Variants in KLHL18 observed in about 807,000 individuals in gnomAD.
KLHL18 encodes the protein kelch-like protein 18.
Under a neutral mutation model 58.5 loss-of-function variants are expected in KLHL18, and 38 were observed. That is an observed-to-expected ratio of 0.65 (90% CI 0.50 to 0.85). The LOEUF is 0.85. KLHL18 is among the 40% of genes least tolerant of loss of function. The pLI is 0.00. For missense variants in KLHL18, 624 were observed against 778.4 expected (o/e 0.80, Z 2.36); for synonymous variants, 303 against 301.9 (o/e 1.00, Z -0.04).
intron 9 of KLHL18, 81 bp downstream of exon 9, chr3:47,342,911 C>A: frequency 9.1e-7 from 1 of 1,104,702 alleles, no homozygotes; most frequent in Non-Finnish European, 1.4e-6. Context: ...TTTGAAAAAA[C>A]TTCAGCCTTG....
chr3:47,301,008 G>A lies in KLHL18; in HGVS notation c.129+17914G>A, dbSNP rs867525481. Among the ~76,000 whole-genome samples, 11 of 151,882 alleles carry A rather than the reference G, an allele frequency of 7.2e-5. 1 individual carries two copies. Among genetic ancestry groups the A allele is most frequent in the Middle Eastern group, 6.3e-3 (2 of 316 alleles). On this transcript the variant is annotated intron_variant, in intron 1 of 9. Transcript: ENST00000232766. ...TGGACATCTTCTTATGTGTTTATTT[G>A]CCATCTGTATATCCTTTTTAATGAA...
At chr3:47,320,035 ATTTT>A (rs546913284) in intron 2 of KLHL18, among the ~76,000 whole-genome samples, 2 of 139,568 alleles carry the variant, frequency 1.4e-5, no homozygotes, top group South Asian at 2.3e-4. Context: ...AGACTCCATG[ATTTT>A]TTTTTTTTTT....
chr3:47,314,819 G>T (rs1349047714), intron 1 of KLHL18, among the ~76,000 whole-genome samples: 1 of 152,056 alleles, frequency 6.6e-6, no homozygotes, highest in Non-Finnish European at 1.5e-5. Context: ...GCCCATCTTG[G>T]TCTTCCTCAT....
chr3:47,299,517 C>G (rs927005834), intron 1 of KLHL18, among the ~76,000 whole-genome samples: 2 of 151,854 alleles, frequency 1.3e-5, no homozygotes, highest in Non-Finnish European at 2.9e-5. Context: ...CCTGAAGAAG[C>G]AGTTCTTCCT....
At chr3:47,314,529 C>T (rs374862790) in intron 1 of KLHL18, among the ~76,000 whole-genome samples, 2 of 150,968 alleles carry the variant, frequency 1.3e-5, no homozygotes, top group South Asian at 2.1e-4. Context: ...AACGGAGTCT[C>T]GCTATATTGC....
At chr3:47,290,322 C>T (rs940930505) in intron 1 of KLHL18, among the ~76,000 whole-genome samples, 2 of 152,200 alleles carry the variant, frequency 1.3e-5, no homozygotes, top group Non-Finnish European at 2.9e-5. Flanking sequence ...GTCTTTTAGA[C>T]ATATGAATTC....
In KLHL18 at chr3:47,334,643, G is replaced by A; in HGVS notation, c.762-40G>A. 6.2e-7 allele frequency: 1 copy of A among 1,610,648 alleles called. No homozygotes were observed. The highest frequency in any genetic ancestry group is 8.5e-7 in the Non-Finnish European group (1 of 1,177,326). On this transcript the variant is annotated intron_variant, in intron 5 of 9. Transcript: ENST00000232766. This position sits in a 1 kb window ranked among gnomAD's most constrained non-coding sequence, Gnocchi z 4.7. Reference sequence around the variant, plus strand: ...GAGATGCAAACGAGGACTAAGTCAGGGGGATACCTCCTGTTCTAGCATCTT... The same window carrying A: ...GAGATGCAAACGAGGACTAAGTCAGAGGGATACCTCCTGTTCTAGCATCTT...
At position 47,333,209 on chromosome 3, in the gene KLHL18, C is replaced by A. The variant is rs138465345; in HGVS notation, c.653C>A (p.Pro218His). Residue 218 changes from proline to histidine, a missense_variant, in exon 5 of 10, where the codon CCC (proline) becomes CAC (histidine). Transcript: ENST00000232766. ...AGATACGACCGGGAGCAGAGGGGTC[C>A]CTACCTGCCTGAGCTGCTGTCCAAT... ...WVRYDREQRGPYLPELLSNIR... is the reference protein window; with the variant it reads ...WVRYDREQRGHYLPELLSNIR... 50 of 1,614,106 alleles carry A rather than the reference C, an allele frequency of 3.1e-5. No individual in the cohort carries two copies. The highest frequency in any genetic ancestry group is 3.3e-4 in the Middle Eastern group (2 of 6,062).
intron 1 of KLHL18, among the ~76,000 whole-genome samples, chr3:47,305,310 T>C (rs1703118154): frequency 1.4e-5 from 2 of 146,142 alleles, no homozygotes; most frequent in African/African-American, 2.5e-5. Flanking sequence ...ATTTTTATTA[T>C]GGATGAGTGC....
chr3:47,340,222 G>A (rs993837517), intron 7 of KLHL18, among the ~76,000 whole-genome samples: 5 of 152,186 alleles, frequency 3.3e-5, no homozygotes, highest in East Asian at 1.9e-4. Context: ...CTCAGGGAGC[G>A]TGGGGGTGGG....
In KLHL18 at chr3:47,344,734, T is replaced by C. The variant is rs966421336; in HGVS notation, c.*793T>C. 2 of 152,574 alleles carry C rather than the reference T, an allele frequency of 1.3e-5. No homozygotes were observed. Among genetic ancestry groups the C allele is most frequent in the African/African-American group, 2.4e-5 (1 of 41,446 alleles). The allele number at this position is 152,574 out of a possible 1,614,324, so 9.5% of individuals were successfully genotyped here. A position where few individuals can be genotyped will look rare whatever the true frequency, so the allele number is the denominator to read the frequency against. On this transcript the variant is annotated 3_prime_UTR_variant, in exon 10 of 10. Coordinates refer to ENST00000232766, the MANE Select transcript of KLHL18 (RefSeq NM_025010.5). Reference sequence around the variant, plus strand: ...AAAAGACACTAACGGCAAATCTATGTTTAAATGGAAAATCGTCTAACTGGA... The same window carrying C: ...AAAAGACACTAACGGCAAATCTATGCTTAAATGGAAAATCGTCTAACTGGA...
intron 1 of KLHL18, among the ~76,000 whole-genome samples, chr3:47,285,586 G>A (rs1702657992): frequency 6.6e-6 from 1 of 151,974 alleles, no homozygotes; most frequent in African/African-American, 2.4e-5. Flanking sequence ...TAGGCTGTAA[G>A]GGTGAACCAG....
intron 7 of KLHL18, chr3:47,338,942 G>A (rs1337237776): frequency 1.3e-5 from 2 of 152,308 alleles, no homozygotes; most frequent in South Asian, 2.1e-4. Flanking sequence ...GGGCAGCTTG[G>A]CATTTGTGCT....
rs145979217 is a variant in KLHL18 at position 47,335,905 on chromosome 3, G to A, written c.899-630G>A. ...CAGGTAAATCCTCAACTCAGTGCAC[G>A]CTGGAGCGGCGTGCAAATGAAATGC... On this transcript the variant is annotated intron_variant, in intron 6 of 9. Coordinates refer to ENST00000232766, the MANE Select transcript of KLHL18 (RefSeq NM_025010.5). Among the ~76,000 whole-genome samples the A allele has an allele frequency of 1.8e-3, 269 of 152,294 alleles. 7 individuals carry two copies. The East Asian group carries it at 0.042, about 24-fold the overall frequency.
rs1703901277 is a variant in KLHL18, at chr3:47,333,097, G to GC, written c.601-58dup. The GC allele has an allele frequency of 6.4e-6, 10 of 1,566,578 alleles. No homozygotes were observed. In the South Asian group the frequency reaches 1.2e-4, roughly 19 times the overall value. The stretch of plus-strand genomic sequence containing the variant: ...GGAAGTGGAGGCATTGAGATTGGAG[G>GC]CCTGGGGTGTGGCCTCTGGGTGGGA... On this transcript the variant is annotated intron_variant, in intron 4 of 9. Coordinates refer to ENST00000232766, the MANE Select transcript of KLHL18 (RefSeq NM_025010.5).
intron 1 of KLHL18, among the ~76,000 whole-genome samples, chr3:47,304,520 T>C (rs1246679790): frequency 6.6e-6 from 1 of 152,174 alleles, no homozygotes; most frequent in African/African-American, 2.4e-5. Context: ...ATTGGTTTGT[T>C]AGATTTACAC....
At chr3:47,294,851 C>G (rs1702863174) in intron 1 of KLHL18, among the ~76,000 whole-genome samples, 1 of 152,144 alleles carries the variant, frequency 6.6e-6, no homozygotes, top group African/African-American at 2.4e-5. Context: ...GCACTTTCCC[C>G]TTCGGTTTAG....
chr3:47,284,623 C>T (rs146382069), intron 1 of KLHL18, among the ~76,000 whole-genome samples: 32 of 152,222 alleles, frequency 2.1e-4, no homozygotes, highest in African/African-American at 7.2e-4. Context: ...ACGCGTGAGT[C>T]ACCGCGCCCA....
chr3:47,321,289 C>A (rs924628041), intron 2 of KLHL18, among the ~76,000 whole-genome samples: 1 of 151,768 alleles, frequency 6.6e-6, no homozygotes, highest in African/African-American at 2.4e-5. Context: ...CTGCCTCAGC[C>A]TCCCATGAGT....
Sources: gnomAD v4.1 joint callset for allele counts (sites outside exome capture counted in the v4.1 genomes callset) on GRCh38, gnomAD v4.1.1 for gene constraint, Gnocchi (gnomAD v3.1) non-coding constraint, MANE v1.5 for transcripts, NCBI Gene and HGNC (gene_info 2026-07-23, HGNC 2026-07-21) for gene names.